PCED1B: variants seen among roughly 807,000 people sequenced by gnomAD.
PCED1B encodes the protein PC-esterase domain containing 1B.
For synonymous variants in PCED1B, 251 were observed against 246.1 expected, an observed-to-expected ratio of 1.02 and a Z score of -0.19; for missense variants, 573 against 573.9, an observed-to-expected ratio of 1.00 and a Z score of 0.02.
chr12:47,087,811 G>C (rs1487308951), intron 1 of PCED1B, among the ~76,000 whole-genome samples: 3 of 152,144 alleles, frequency 2.0e-5, no homozygotes, highest in Admixed American at 2.0e-4. Flanking sequence ...TTTTCTCTTA[G>C]AATTAAGAGT....
intron 2 of PCED1B, among the ~76,000 whole-genome samples, chr12:47,111,454 C>A (rs111444965): frequency 0.044 from 6,718 of 152,190 alleles, 465 homozygotes; most frequent in African/African-American, 0.15. Context: ...TTGCCATCTT[C>A]ACCATTCTCA....
intron 2 of PCED1B, among the ~76,000 whole-genome samples, chr12:47,106,147 G>T (rs992412143): frequency 9.9e-5 from 15 of 151,914 alleles, no homozygotes; most frequent in Admixed American, 2.6e-4. Context: ...CTCCTGGCCC[G>T]GTGCCCTTTC....
chr12:47,147,548 T>C (rs1043445470), intron 2 of PCED1B, among the ~76,000 whole-genome samples: 6 of 152,204 alleles, frequency 3.9e-5, no homozygotes, highest in Admixed American at 2.6e-4. Context: ...CATATTTCTA[T>C]TGATATCTAT....
intron 1 of PCED1B, among the ~76,000 whole-genome samples, chr12:47,081,014 G>A (rs189965297): frequency 8.1e-4 from 123 of 152,298 alleles, no homozygotes; most frequent in African/African-American, 2.9e-3. Context: ...GGTGCAAGCC[G>A]AACAAGGCCA....
rs149175070 is a variant in PCED1B, at chr12:47,173,379, G to A, written c.-525-42843G>A. On this transcript the variant is annotated intron_variant, in intron 2 of 3. Transcript: ENST00000546455. ...AGCGATTCTCCTGCCTCAGCCTCTC[G>A]AGTAGCTGGGACTAGAAGCGCCCGC... 9.2e-3 allele frequency among the ~76,000 whole-genome samples: 1,401 copies of A among 152,182 alleles called. 23 individuals are homozygous for A. Among genetic ancestry groups the A allele is most frequent in the African/African-American group, 0.031 (1,302 of 41,508 alleles).
chr12:47,191,857 C>A (rs1252633286), intron 2 of PCED1B, among the ~76,000 whole-genome samples: 2 of 151,686 alleles, frequency 1.3e-5, no homozygotes, highest in Non-Finnish European at 2.9e-5. Context: ...CACTTGCCTG[C>A]CTTTCTCTTT....
rs551738598 is a variant in PCED1B, at chr12:47,110,347, A to G, written c.-526+6152A>G. On this transcript the variant is annotated intron_variant, in intron 2 of 3. Transcript: ENST00000546455. ...CTTTTGTCAACAAAGAGGAAAGCGC[A>G]ATAGGGTTCCACTTCAATAAATAAT... Among the ~76,000 whole-genome samples the G allele has an allele frequency of 3.1e-3, 471 of 151,240 alleles. 2 individuals are homozygous for G. Among genetic ancestry groups the G allele is most frequent in the Non-Finnish European group, 5.0e-3 (338 of 67,918 alleles).
chr12:47,092,275 GTGTT>G (rs1450021629), intron 1 of PCED1B, among the ~76,000 whole-genome samples: 1 of 151,794 alleles, frequency 6.6e-6, no homozygotes, highest in African/African-American at 2.4e-5. Context: ...TTATTTCTAG[GTGTT>G]TGAGTTTTTT....
intron 2 of PCED1B, among the ~76,000 whole-genome samples, chr12:47,105,698 A>AT (rs1565749868): frequency 6.6e-6 from 1 of 152,126 alleles, no homozygotes; most frequent in Non-Finnish European, 1.5e-5. Flanking sequence ...CCCTAGTTGG[A>AT]TTTTTTTGGA....
At chr12:47,220,721 T>G (rs1252322392) in intron 3 of PCED1B, among the ~76,000 whole-genome samples, 1 of 152,104 alleles carries the variant, frequency 6.6e-6, no homozygotes, top group East Asian at 1.9e-4. Flanking sequence ...CAGTTAATTA[T>G]AGAACAAAAC....
intron 1 of PCED1B, among the ~76,000 whole-genome samples, chr12:47,082,385 T>TA (rs139874022): frequency 0.017 from 2,625 of 152,050 alleles, 71 homozygotes; most frequent in African/African-American, 0.06. Context: ...AAGCTTGTCT[T>TA]AAAAAAAAGG....
At chr12:47,225,581 G>A (rs1291161109) in intron 3 of PCED1B, among the ~76,000 whole-genome samples, 3 of 152,160 alleles carry the variant, frequency 2.0e-5, no homozygotes, top group Non-Finnish European at 4.4e-5. Context: ...ATACAGGTGA[G>A]CTCATTAAAA....
intron 2 of PCED1B, among the ~76,000 whole-genome samples, chr12:47,165,840 C>T (rs1941528242): frequency 6.6e-6 from 1 of 151,844 alleles, no homozygotes; most frequent in Non-Finnish European, 1.5e-5. Context: ...AAGTTCAATA[C>T]ACAGTATTAA....
Position 47,236,012 on chromosome 12 carries a change from T to C in PCED1B, c.949T>C (p.Ser317Pro). 6.2e-7 allele frequency: 1 copy of C among 1,612,720 alleles called. No homozygotes were observed. Among genetic ancestry groups the C allele is most frequent in the South Asian group, 1.1e-5 (1 of 90,962 alleles). The change falls in exon 4 of 4, where the codon TCC (serine) becomes CCC (proline). Residue 317 changes from serine (S) to proline (P), a missense_variant. By Grantham distance (74) the Ser-to-Pro change is moderately conservative (BLOSUM62 -1). Coordinates refer to ENST00000546455, the MANE Select transcript of PCED1B (RefSeq NM_138371.3). ...PQRLPLLPLL[S>P]PQPPPPILHH... Reference sequence around the variant, plus strand: ...GCGCTTGCCGCTGCTCCCGCTCCTGTCCCCACAGCCTCCTCCTCCCATTCT... The same window carrying C: ...GCGCTTGCCGCTGCTCCCGCTCCTGCCCCCACAGCCTCCTCCTCCCATTCT...
At chr12:47,225,899 G>T (rs1414366538) in intron 3 of PCED1B, among the ~76,000 whole-genome samples, 1 of 151,910 alleles carries the variant, frequency 6.6e-6, no homozygotes, top group Admixed American at 6.6e-5. Flanking sequence ...AAAAAGAAAA[G>T]AAAAATCAAC....
intron 2 of PCED1B, among the ~76,000 whole-genome samples, chr12:47,190,420 C>T (rs1040522670): frequency 6.6e-6 from 1 of 152,212 alleles, no homozygotes; most frequent in Admixed American, 6.5e-5. Context: ...ACTTTGGTCG[C>T]CTCTTCCAGG....
chr12:47,221,022 T>A (rs1943460905), intron 3 of PCED1B, among the ~76,000 whole-genome samples: 1 of 152,138 alleles, frequency 6.6e-6, no homozygotes, highest in African/African-American at 2.4e-5. Context: ...GTTTACAGAA[T>A]GCAAAATGTT....
rs58077945 is a variant in PCED1B at position 47,153,768 on chromosome 12, T to A, written c.-526+49573T>A. Among the ~76,000 whole-genome samples the A allele has an allele frequency of 3.4e-3, 511 of 152,378 alleles. 7 individuals are homozygous for A. The South Asian group carries it at 0.04, about 12-fold the overall frequency. On this transcript the variant is annotated intron_variant, in intron 2 of 3. Coordinates refer to ENST00000546455, the MANE Select transcript of PCED1B (RefSeq NM_138371.3). ...TGAATTATGAAATAAATAATATGTA[T>A]GTCTCTGAACAAAGAATAAAAGAAC...
At chr12:47,203,965 A>G (rs933344815) in intron 2 of PCED1B, among the ~76,000 whole-genome samples, 2 of 152,154 alleles carry the variant, frequency 1.3e-5, no homozygotes, top group Admixed American at 1.3e-4. Context: ...CTTTTGTGTA[A>G]AAGCATTCTT....
Sources: allele counts gnomAD v4.1 joint callset (sites outside exome capture counted in the v4.1 genomes callset), GRCh38; gene constraint gnomAD v4.1.1; transcripts MANE v1.5; gene names NCBI Gene and HGNC (gene_info 2026-07-23, HGNC 2026-07-21).